The following DNAJC3 variants were observed in gnomAD, a reference collection of about 807,000 sequenced individuals.
The protein encoded by DNAJC3 is DnaJ heat shock protein family (Hsp40) member C3.
In DNAJC3, 38 loss-of-function variants were observed where a neutral mutation model predicts 68.6. That is an observed-to-expected ratio of 0.55 (90% CI 0.43 to 0.73). The LOEUF is 0.73. DNAJC3 is among the 30% of genes least tolerant of loss of function. The pLI is 0.00. For synonymous variants in DNAJC3, 203 were observed against 204.0 expected (o/e 1.00, Z 0.04); for missense variants, 526 against 591.9 (o/e 0.89, Z 1.16).
In DNAJC3 at chr13:95,679,499, G is replaced by A. The variant is rs117230295; in HGVS notation, c.82+2162G>A. 7.2e-5 allele frequency among the ~76,000 whole-genome samples: 11 copies of A among 152,218 alleles called. No individual in the cohort carries two copies. The East Asian group carries it at 2.1e-3, about 29-fold the overall frequency. Reference sequence around the variant, plus strand: ...CTGGATTTGGTGATAGGGATATAAAGGTAAGAACTCTGACTTGAATTAGCA... The same window carrying A: ...CTGGATTTGGTGATAGGGATATAAAAGTAAGAACTCTGACTTGAATTAGCA... On this transcript the variant is annotated intron_variant, in intron 1 of 11. Transcript: ENST00000602402.
In DNAJC3 at chr13:95,793,573, T is replaced by TCCTG. The variant is rs1320120956; in HGVS notation, c.*2547_*2550dup. 1 of 147,934 alleles carries TCCTG rather than the reference T, an allele frequency of 6.8e-6. No homozygotes were observed. The highest frequency in any genetic ancestry group is 1.5e-5 in the Non-Finnish European group (1 of 67,284). The allele number at this position is 147,934 out of a possible 1,614,324, so 9.2% of individuals were successfully genotyped here. A position where few individuals can be genotyped will look rare whatever the true frequency, so the allele number is the denominator to read the frequency against. ...GACACCTCCCGGGTTCAAGCAGTTC[T>TCCTG]CCTGCCTCAGCCTCCAAGTAGCTGG... is the stretch of plus-strand genomic sequence containing the variant. On this transcript the variant is annotated 3_prime_UTR_variant, in exon 12 of 12. Transcript: ENST00000602402.
intron 3 of DNAJC3, among the ~76,000 whole-genome samples, chr13:95,724,247 TCTTG>T (rs774166652): frequency 7.9e-5 from 12 of 152,278 alleles, no homozygotes; most frequent in Non-Finnish European, 4.4e-5. Context: ...GATAGTTTAA[TCTTG>T]CTTTTTATTG....
chr13:95,759,757 G>A (rs1882765737), intron 5 of DNAJC3, among the ~76,000 whole-genome samples: 1 of 152,060 alleles, frequency 6.6e-6, no homozygotes, highest in African/African-American at 2.4e-5. Context: ...CAGTGTCTTA[G>A]AATTATATAA....
intron 9 of DNAJC3, among the ~76,000 whole-genome samples, chr13:95,782,203 T>C (rs141206229): frequency 0.11 from 17,271 of 152,234 alleles, 1,109 homozygotes; most frequent in Middle Eastern, 0.2. Flanking sequence ...CAGTCTATCA[T>C]TGATAGACAT....
At chr13:95,751,694 A>G (rs1882483977) in intron 4 of DNAJC3, among the ~76,000 whole-genome samples, 1 of 152,206 alleles carries the variant, frequency 6.6e-6, no homozygotes, top group African/African-American at 2.4e-5. Flanking sequence ...ATGTGTTACA[A>G]TTAGGAGACA....
rs182126432 is a variant in DNAJC3 at position 95,685,681 on chromosome 13, G to A, written c.82+8344G>A. On this transcript the variant is annotated intron_variant, in intron 1 of 11. Transcript: ENST00000602402. ...ATGTTGGAGTTGGGGCTTGGTGGTA[G>A]GTTTTTTGTTTTTTTTTAGAAATCT... 4.6e-5 allele frequency among the ~76,000 whole-genome samples: 7 copies of A among 151,892 alleles called. No individual in the cohort carries two copies. The East Asian group carries it at 1.3e-3, about 29-fold the overall frequency.
chr13:95,734,549 C>T (rs948571896), intron 4 of DNAJC3, among the ~76,000 whole-genome samples: 5 of 152,098 alleles, frequency 3.3e-5, no homozygotes, highest in East Asian at 1.9e-4. Flanking sequence ...TTCTGTCTAT[C>T]GACGTCTAAA....
chr13:95,716,126 C>T (rs1475509053), intron 2 of DNAJC3, among the ~76,000 whole-genome samples: 1 of 152,054 alleles, frequency 6.6e-6, no homozygotes, highest in Non-Finnish European at 1.5e-5. Context: ...CCATTGTACT[C>T]CAGCCTGGGC....
chr13:95,759,860 C>T (rs1362118961), intron 5 of DNAJC3, among the ~76,000 whole-genome samples, 180 bp from the exon 6 acceptor site: 1 of 152,182 alleles, frequency 6.6e-6, no homozygotes, highest in Non-Finnish European at 1.5e-5. Flanking sequence ...TATTTTGTCA[C>T]ATCAGTTTTG....
intron 4 of DNAJC3, among the ~76,000 whole-genome samples, chr13:95,726,036 G>A (rs1284215438): frequency 2.6e-5 from 4 of 151,824 alleles, no homozygotes; most frequent in Non-Finnish European, 5.9e-5. Context: ...AGTATTCCAT[G>A]GTGTATATGT....
chr13:95,748,391 T>C (rs1041585237), intron 4 of DNAJC3, among the ~76,000 whole-genome samples: 2 of 152,028 alleles, frequency 1.3e-5, no homozygotes, highest in Non-Finnish European at 2.9e-5. Context: ...TCTGTATCAA[T>C]TGTAAACAAT....
intron 4 of DNAJC3, among the ~76,000 whole-genome samples, chr13:95,734,971 C>T (rs550578431): frequency 5.7e-5 from 7 of 121,828 alleles, no homozygotes; most frequent in Non-Finnish European, 1.0e-4. Flanking sequence ...CCTCCCCCCT[C>T]CCCCCCACCC....
Position 95,760,082 on chromosome 13 carries a change from TG to T in DNAJC3, c.590del (p.Cys197PhefsTer3). 3.1e-6 allele frequency: 5 copies of T among 1,610,068 alleles called. No individual in the cohort carries two copies. Among genetic ancestry groups the T allele is most frequent in the Non-Finnish European group, 4.2e-6 (5 of 1,177,846 alleles). On this transcript the variant is annotated frameshift_variant, in exon 6 of 12. Transcript: ENST00000602402. LOFTEE classifies it high-confidence loss of function. ...DAELRELRAE[C>X]FIKEGEPRKA... is the part of the protein sequence containing the mutation. ...AGAACTACGGGAACTTCGAGCTGAA[TG>T]TTTTATAAAAGAAGGAGAACCTAGG...
At chr13:95,760,649 AG>A in intron 6 of DNAJC3, 29 bp from the exon 7 acceptor site, 1 of 1,581,966 alleles carries the variant, frequency 6.3e-7, no homozygotes, top group Non-Finnish European at 8.6e-7. Context: ...TTTGACATGG[AG>A]TATTTTCCTT....
chr13:95,755,849 G>A (rs1882646679), intron 4 of DNAJC3, among the ~76,000 whole-genome samples: 1 of 150,170 alleles, frequency 6.7e-6, no homozygotes, highest in South Asian at 2.1e-4. Flanking sequence ...AAACTCTCAG[G>A]CTTCTAAGGA....
intron 9 of DNAJC3, among the ~76,000 whole-genome samples, chr13:95,774,484 A>C (rs1397408369): frequency 2.0e-5 from 3 of 152,156 alleles, no homozygotes; most frequent in African/African-American, 7.2e-5. Context: ...TTCTATGTAC[A>C]CTTGAAAATA....
intron 4 of DNAJC3, chr13:95,745,331 AAAAT>A (rs1394702024): frequency 1.3e-5 from 2 of 152,240 alleles, no homozygotes; most frequent in African/African-American, 4.8e-5. Flanking sequence ...ATTCTAACAA[AAAAT>A]AAATAAAGCC....
intron 11 of DNAJC3, among the ~76,000 whole-genome samples, chr13:95,790,409 C>T (rs920914402): frequency 1.5e-4 from 23 of 152,266 alleles, no homozygotes; most frequent in South Asian, 1.0e-3. Flanking sequence ...ATGGAGGCCC[C>T]GCTCCCCTCA....
At chr13:95,718,361 G>A (rs1881216652) in intron 2 of DNAJC3, among the ~76,000 whole-genome samples, 1 of 152,192 alleles carries the variant, frequency 6.6e-6, no homozygotes, top group Non-Finnish European at 1.5e-5. Flanking sequence ...TTAAGATGAA[G>A]AACCAGGGAA....
Sources: gnomAD v4.1 joint callset for allele counts (sites outside exome capture counted in the v4.1 genomes callset) on GRCh38, gnomAD v4.1.1 for gene constraint, MANE v1.5 for transcripts, NCBI Gene and HGNC (gene_info 2026-07-23, HGNC 2026-07-21) for gene names.